INPP5D: variants seen among roughly 807,000 people sequenced by gnomAD.
INPP5D encodes the protein phosphatidylinositol 3,4,5-trisphosphate 5-phosphatase 1.
In INPP5D, 33 loss-of-function variants were observed where a neutral mutation model predicts 122.9. The observed-to-expected ratio is 0.27, with a 90% CI of 0.20 to 0.36. The LOEUF is 0.36. INPP5D is among the 10% of genes least tolerant of loss of function. INPP5D has a pLI of 1.00. For missense variants in INPP5D, 1,053 were observed against 1,412.7 expected, an observed-to-expected ratio of 0.75 and a Z score of 4.08; for synonymous variants, 584 against 576.2, an observed-to-expected ratio of 1.01 and a Z score of -0.19.
chr2:233,109,706 G>A (rs952583564), intron 2 of INPP5D, among the ~76,000 whole-genome samples: 5 of 151,272 alleles, frequency 3.3e-5, no homozygotes, highest in African/African-American at 1.2e-4. Context: ...AGCCTCCCGA[G>A]TAGCTGGGAT....
At chr2:233,110,013 T>C (rs1262113955) in intron 2 of INPP5D, among the ~76,000 whole-genome samples, 1 of 151,942 alleles carries the variant, frequency 6.6e-6, no homozygotes, top group African/African-American at 2.4e-5. Flanking sequence ...GCCTCCCAAG[T>C]AGCTGAGACT....
chr2:233,080,482 A>AGAGC (rs1691651825), intron 2 of INPP5D, among the ~76,000 whole-genome samples: 1 of 151,438 alleles, frequency 6.6e-6, no homozygotes, highest in African/African-American at 2.4e-5. Flanking sequence ...AGAGAGAGAG[A>AGAGC]TGCTCAGTTC....
Position 233,182,479 on chromosome 2 carries a change from C to T in INPP5D, c.2141C>T (p.Ser714Phe), listed in dbSNP as rs1008325366. 1.2e-6 allele frequency: 2 copies of T among 1,613,452 alleles called. No individual in the cohort carries two copies. The highest frequency in any genetic ancestry group is 1.3e-5 in the African/African-American group (1 of 74,920). Residue 714 changes from serine to phenylalanine, a missense_variant, in exon 19 of 27, where the codon TCC becomes TTC. By Grantham distance (155) the Ser-to-Phe change is radical (BLOSUM62 -2). Coordinates refer to ENST00000445964, the MANE Select transcript of INPP5D (RefSeq NM_001017915.3). ...VFATFEAGVT[S>F]QFVSKNGPGT... The stretch of plus-strand genomic sequence containing the variant: ...GCCACATTTGAGGCAGGAGTCACTT[C>T]CCAGTTTGTCTCCAAGAACGGTAAG...
chr2:233,136,505 G>A (rs941436378), intron 5 of INPP5D, among the ~76,000 whole-genome samples: 4 of 150,864 alleles, frequency 2.7e-5, no homozygotes, highest in Admixed American at 1.3e-4. Context: ...AGAATAACAA[G>A]TCAAATGTAC....
At chr2:233,175,874 G>T (rs1694611460) in intron 17 of INPP5D, among the ~76,000 whole-genome samples, 1 of 151,822 alleles carries the variant, frequency 6.6e-6, no homozygotes, top group Admixed American at 6.6e-5. Context: ...CAGAGATGGG[G>T]TTTCGCCATG....
At chr2:233,139,595 A>G (rs1052735193) in intron 5 of INPP5D, among the ~76,000 whole-genome samples, 3 of 152,118 alleles carry the variant, frequency 2.0e-5, no homozygotes, top group Non-Finnish European at 4.4e-5. Context: ...TATAGAGTGC[A>G]GTTTGGCTAA....
chr2:233,117,528 G>A (rs557584366), intron 2 of INPP5D, among the ~76,000 whole-genome samples: 3 of 152,268 alleles, frequency 2.0e-5, no homozygotes, highest in African/African-American at 7.2e-5. Flanking sequence ...GTAGCTCCAC[G>A]GGAGGCCACA....
rs1476864837 is a variant in INPP5D at position 233,198,270 on chromosome 2, A to G, written c.2869A>G (p.Arg957Gly). Residue 957 changes from arginine (R) to glycine (G), a missense_variant, in exon 25 of 27, where the codon AGG becomes GGG. By Grantham distance (125) the Arg-to-Gly change is moderately radical. Transcript: ENST00000445964. The part of the protein sequence containing the change: ...PPKDSPLGPC[R>G]GESPPTPPGQ... ...CAAGGACTCCCCGCTGGGGCCCTGC[A>G]GGGGAGAAAGTCCTCCGACACCTCC... 1 of 1,613,518 alleles carries G rather than the reference A, an allele frequency of 6.2e-7. No individual in the cohort carries two copies. Among genetic ancestry groups the G allele is most frequent in the Admixed American group, 1.7e-5 (1 of 60,028 alleles).
intron 2 of INPP5D, among the ~76,000 whole-genome samples, chr2:233,084,541 G>A (rs889172001): frequency 9.2e-5 from 14 of 152,186 alleles, no homozygotes; most frequent in East Asian, 3.8e-4. Context: ...ACGTATCTCC[G>A]GGCGACATGG....
chr2:233,190,964 G>A (rs1049679102), intron 22 of INPP5D, among the ~76,000 whole-genome samples: 2 of 152,228 alleles, frequency 1.3e-5, no homozygotes. Context: ...AATAGAAGTA[G>A]TGACAGTAAA....
intron 2 of INPP5D, among the ~76,000 whole-genome samples, chr2:233,110,891 C>T (rs1007797208): frequency 6.6e-6 from 1 of 151,702 alleles, no homozygotes; most frequent in African/African-American, 2.4e-5. Flanking sequence ...CACCACTGCA[C>T]TCCAGCCTGG....
intron 3 of INPP5D, 43 bp from the exon 4 acceptor site, chr2:233,125,702 C>T (rs55913569): frequency 0.46 from 712,781 of 1,565,632 alleles, 171,176 homozygotes; most frequent in Non-Finnish European, 0.5. Flanking sequence ...CCGGGTTGTG[C>T]GCACAGTGTC....
chr2:233,147,192 C>A (rs770020541), intron 8 of INPP5D, among the ~76,000 whole-genome samples: 3 of 152,186 alleles, frequency 2.0e-5, no homozygotes, highest in Admixed American at 6.5e-5. Flanking sequence ...AGTGAATGAA[C>A]CATTTCCAGC....
At chr2:233,096,419 A>T (rs1002198825) in intron 2 of INPP5D, among the ~76,000 whole-genome samples, 1 of 152,240 alleles carries the variant, frequency 6.6e-6, no homozygotes, top group African/African-American at 2.4e-5. Context: ...TGGAAGGCAG[A>T]GCTGGGCGGA....
At chr2:233,122,521 G>A (rs1329787353) in intron 3 of INPP5D, among the ~76,000 whole-genome samples, 1 of 152,234 alleles carries the variant, frequency 6.6e-6, no homozygotes, top group East Asian at 1.9e-4. Context: ...AGTAAAATAA[G>A]GCTGGGCTTG....
chr2:233,171,886 G>A (rs973509258), intron 17 of INPP5D, among the ~76,000 whole-genome samples: 5 of 152,188 alleles, frequency 3.3e-5, no homozygotes, highest in African/African-American at 4.8e-5. Context: ...TGGCTGGGAC[G>A]GTGAGGTACC....
In INPP5D at chr2:233,139,600, G is replaced by A. The variant is rs1023155714; in HGVS notation, c.666-242G>A. Among the ~76,000 whole-genome samples, 1,082 of 152,236 alleles carry A rather than the reference G, an allele frequency of 7.1e-3. 5 individuals carry two copies. Among genetic ancestry groups the A allele is most frequent in the Middle Eastern group, 0.017 (5 of 294 alleles). On this transcript the variant is annotated intron_variant, in intron 5 of 26. Coordinates refer to ENST00000445964, the MANE Select transcript of INPP5D (RefSeq NM_001017915.3). ...TTCTACAGGCTATAGAGTGCAGTTT[G>A]GCTAAAGCAAAACCTAGGTACAGTC...
At chr2:233,203,720 C>T (rs1484741184) in intron 25 of INPP5D, among the ~76,000 whole-genome samples, 2 of 152,004 alleles carry the variant, frequency 1.3e-5, no homozygotes, top group African/African-American at 4.8e-5. Flanking sequence ...AGTGAGACTC[C>T]CCATCTCTAC....
intron 1 of INPP5D, among the ~76,000 whole-genome samples, chr2:233,067,650 T>C (rs6704948): frequency 0.053 from 8,043 of 152,320 alleles, 557 homozygotes; most frequent in African/African-American, 0.16. Context: ...GCATTCCTAC[T>C]AGCAACATCT....
Sources: allele counts gnomAD v4.1 joint callset (sites outside exome capture counted in the v4.1 genomes callset), GRCh38; gene constraint gnomAD v4.1.1; transcripts MANE v1.5; gene names NCBI Gene and HGNC (gene_info 2026-07-23, HGNC 2026-07-21).